OR5A2: variants seen among roughly 807,000 people sequenced by gnomAD.
The protein encoded by OR5A2 is olfactory receptor 5A2.
For synonymous variants in OR5A2, 155 were observed against 151.1 expected (o/e 1.03, Z -0.19); for missense variants, 406 against 398.9 (o/e 1.02, Z -0.15).
At chr11:59,425,133 G>A (rs996821918) in intron 1 of OR5A2, 1 of 152,150 alleles carries the variant, frequency 6.6e-6, no homozygotes, top group Admixed American at 6.5e-5. Flanking sequence ...TTGTGCAGGA[G>A]GACTGGAGTT....
Position 59,418,278 on chromosome 11 carries a change from C to A in OR5A2, c.*3701G>T, listed in dbSNP as rs908588089. 1 of 152,106 alleles carries A rather than the reference C, an allele frequency of 6.6e-6. No individual in the cohort carries two copies. The highest frequency in any genetic ancestry group is 2.4e-5 in the African/African-American group (1 of 41,436). 9.4% of individuals were successfully genotyped at this position (152,106 alleles called of 1,614,324 possible). A position where few individuals can be genotyped will look rare whatever the true frequency, so the allele number is the denominator to read the frequency against. On this transcript the variant is annotated 3_prime_UTR_variant, in exon 2 of 2. Transcript: ENST00000302040. ...TGTAATTTGTCTTTCTATATGGCTT[C>A]CTGACAGATGGATAATTGTGCCACT... is the stretch of plus-strand genomic sequence containing the variant.
At chr11:59,424,470 C>T (rs1239525153) in intron 1 of OR5A2, 1 of 152,096 alleles carries the variant, frequency 6.6e-6, no homozygotes, top group Non-Finnish European at 1.5e-5. Flanking sequence ...GCCTGTAGTT[C>T]CAGCTACTTG....
In OR5A2 at chr11:59,417,496, C is replaced by T. The variant is rs147803709; in HGVS notation, c.*4483G>A. 1 of 152,070 alleles carries T rather than the reference C, an allele frequency of 6.6e-6. No homozygotes were observed. The highest frequency in any genetic ancestry group is 1.9e-4 in the East Asian group (1 of 5,140). 9.4% of individuals were successfully genotyped at this position (152,070 alleles called of 1,614,324 possible). The stretch of plus-strand genomic sequence containing the variant: ...AATATAAACACCTGGCTTATCATCC[C>T]CAGGGGGTTTGAAAATGTTATAGAC... On this transcript the variant is annotated 3_prime_UTR_variant, in exon 2 of 2. Transcript: ENST00000302040.
Position 59,422,726 on chromosome 11 carries a change from G to A in OR5A2, c.228C>T (p.Ser76=), listed in dbSNP as rs753562340. 1.9e-6 allele frequency: 3 copies of A among 1,613,988 alleles called. No homozygotes were observed. The highest frequency in any genetic ancestry group is 2.2e-5 in the South Asian group (2 of 91,084). ...CAGACAGCATCTTAGGGGCGGTGGA[G>A]GACACATAGCAGATGTCCAGGAAGG... ...NLSFLDICYV[S]STAPKMLSDI... Residue 76 remains serine (S), a synonymous_variant, in exon 2 of 2, where the codon TCC becomes TCT. Coordinates refer to ENST00000302040, the MANE Select transcript of OR5A2 (RefSeq NM_001001954.2).
chr11:59,425,805 T>C (rs1489535640), intron 1 of OR5A2: 1 of 152,132 alleles, frequency 6.6e-6, no homozygotes, highest in Admixed American at 6.5e-5. Context: ...AATATTTTGC[T>C]GAATAAATAG....
In OR5A2 at chr11:59,422,079, C is replaced by T; in HGVS notation, c.875G>A (p.Ser292Asn). The T allele has an allele frequency of 6.2e-7, 1 of 1,614,104 alleles. No homozygotes were observed. Among genetic ancestry groups the T allele is most frequent in the East Asian group, 2.2e-5 (1 of 44,880 alleles). Residue 292 changes from serine (S) to asparagine (N), a missense_variant, in exon 2 of 2, where the codon AGT becomes AAT. Transcript: ENST00000302040. Reference sequence around the variant, plus strand: ...ATTTTTAATCTCCTTATTCCTAAAACTGTAGATGATGGGATTCACCACGGG... The same window carrying T: ...ATTTTTAATCTCCTTATTCCTAAAATTGTAGATGATGGGATTCACCACGGG... ...VIPVVNPIIY[S>N]FRNKEIKNAM...
intron 1 of OR5A2, 108 bp from the exon 2 acceptor site, chr11:59,423,152 T>C (rs1858253796): frequency 1.8e-6 from 1 of 554,700 alleles, no homozygotes; most frequent in Non-Finnish European, 3.2e-6. Flanking sequence ...GGATAATCCA[T>C]ATGCTCTATG....
rs761490143 is a variant in OR5A2 at position 59,422,335 on chromosome 11, C to T, written c.619G>A (p.Val207Ile). 2.7e-5 allele frequency: 43 copies of T among 1,613,938 alleles called. No individual in the cohort carries two copies. The highest frequency in any genetic ancestry group is 2.5e-4 in the Admixed American group (15 of 59,988). The change falls in exon 2 of 2, where the codon GTT becomes ATT. Residue 207 changes from valine to isoleucine, a missense_variant. Val to Ile is a conservative substitution (Grantham distance 29). Coordinates refer to ENST00000302040, the MANE Select transcript of OR5A2 (RefSeq NM_001001954.2). ...ACCACTAGCACAGACACTATTCCAA[C>T]GACAACACTGACTATGAAGGTCACC... ...EVVTFIVSVV[V>I]GIVSVLVVLI...
In OR5A2 at chr11:59,422,405, A is replaced by C. The variant is rs183296645; in HGVS notation, c.549T>G (p.Pro183=). The change falls in exon 2 of 2, where the codon CCT becomes CCG. Residue 183 remains proline (P), a synonymous_variant. Coordinates refer to ENST00000302040, the MANE Select transcript of OR5A2 (RefSeq NM_001001954.2). ...YMINHFFCDL[P]PVLALSCSDT... ...CAGAGCAGGACAGAGCCAGGACTGGAGGGAGGTCACAGAAAAAGTGGTTGA... is the reference window on the plus strand; with the variant it reads ...CAGAGCAGGACAGAGCCAGGACTGGCGGGAGGTCACAGAAAAAGTGGTTGA... The C allele has an allele frequency of 1.9e-6, 3 of 1,614,048 alleles. No individual in the cohort carries two copies. The highest frequency in any genetic ancestry group is 2.5e-6 in the Non-Finnish European group (3 of 1,180,014).
At position 59,420,265 on chromosome 11, in the gene OR5A2, A is replaced by G. The variant is rs1361748234; in HGVS notation, c.*1714T>C. The G allele has an allele frequency of 6.6e-6, 1 of 152,154 alleles. No individual in the cohort carries two copies. The highest frequency in any genetic ancestry group is 1.5e-5 in the Non-Finnish European group (1 of 68,028). The allele number at this position is 152,154 out of a possible 1,614,324, so 9.4% of individuals were successfully genotyped here. A position where few individuals can be genotyped will look rare whatever the true frequency, so the allele number is the denominator to read the frequency against. On this transcript the variant is annotated 3_prime_UTR_variant, in exon 2 of 2. Coordinates refer to ENST00000302040, the MANE Select transcript of OR5A2 (RefSeq NM_001001954.2). ...CTACAAAATGGCAGAGATGAAATTA[A>G]TAATCTCAGATCCAATGACTTAAAA...
rs1858240260 is a variant in OR5A2 at position 59,422,503 on chromosome 11, C to CA, written c.450dup (p.Val151CysfsTer6). 6.2e-7 allele frequency: 1 copy of CA among 1,614,162 alleles called. No individual in the cohort carries two copies. The highest frequency in any genetic ancestry group is 1.3e-5 in the African/African-American group (1 of 75,032). ...ATGAAAGAACTAAGGAATCCACCCA[C>CA]ATAGGCGCCAACCACCATCTTTAAA... On this transcript the variant is annotated frameshift_variant, in exon 2 of 2. Coordinates refer to ENST00000302040, the MANE Select transcript of OR5A2 (RefSeq NM_001001954.2). LOFTEE classifies it low-confidence loss of function (END_TRUNC).
In OR5A2 at chr11:59,422,461, A is replaced by G. The variant is rs142203683; in HGVS notation, c.493T>C (p.Tyr165His). ...TAGGGCCCACAGAAATCATGCTGAT[A>G]GACAGAGTATGTTTCAATGAAAGAA... ...LSSFIETYSV[Y>H]QHDFCGPYMI... The change falls in exon 2 of 2, where the codon TAT (tyrosine) becomes CAT (histidine). Residue 165 changes from tyrosine (Y) to histidine (H), a missense_variant. Transcript: ENST00000302040. 6.2e-6 allele frequency: 10 copies of G among 1,614,110 alleles called. No homozygotes were observed. The highest frequency in any genetic ancestry group is 8.5e-6 in the Non-Finnish European group (10 of 1,180,040).
In OR5A2 at chr11:59,422,589, T is replaced by A; in HGVS notation, c.365A>T (p.Asp122Val). 6.2e-7 allele frequency: 1 copy of A among 1,614,154 alleles called. No individual in the cohort carries two copies. Among genetic ancestry groups the A allele is most frequent in the Non-Finnish European group, 8.5e-7 (1 of 1,180,038 alleles). ...GGGGTTGCAGATTGCAGCATACCGG[T>A]CATAGGCCATAGCTGCCAGGAGAAA... ...ECFLLAAMAYDRYAAICNPLL... is the reference protein window; with the variant it reads ...ECFLLAAMAYVRYAAICNPLL... Residue 122 changes from aspartate to valine, a missense_variant, in exon 2 of 2, where the codon GAC becomes GTC. Asp to Val is a radical substitution (Grantham distance 152). Transcript: ENST00000302040.
chr11:59,423,008 G>A lies in OR5A2; in HGVS notation c.-55C>T, dbSNP rs1858251378. Reference sequence around the variant, plus strand: ...TTCTTCTTTAAGAATCCTGTGGTCAGCTAGATTTTGTTTGTTATTGTAAGA... The same window carrying A: ...TTCTTCTTTAAGAATCCTGTGGTCAACTAGATTTTGTTTGTTATTGTAAGA... On this transcript the variant is annotated 5_prime_UTR_variant, in exon 2 of 2. Coordinates refer to ENST00000302040, the MANE Select transcript of OR5A2 (RefSeq NM_001001954.2). The A allele has an allele frequency of 2.0e-6, 3 of 1,525,328 alleles. No individual in the cohort carries two copies. In the Admixed American group the frequency reaches 6.1e-5, roughly 31 times the overall value. The allele number at this position is 1,525,328 out of a possible 1,614,324, so 94.5% of individuals were successfully genotyped here.
chr11:59,422,533 G>T lies in OR5A2; in HGVS notation c.421C>A (p.Leu141Ile). Reference protein sequence around the residue: ...LLYTVLISHTLCLKMVVGAYV... With the variant: ...LLYTVLISHTICLKMVVGAYV... Reference sequence around the variant, plus strand: ...GCGCCAACCACCATCTTTAAACAAAGTGTATGGGATATGAGGACTGTGTAA... The same window carrying T: ...GCGCCAACCACCATCTTTAAACAAATTGTATGGGATATGAGGACTGTGTAA... The change falls in exon 2 of 2, where the codon CTT (leucine) becomes ATT (isoleucine). Residue 141 changes from leucine (L) to isoleucine (I), a missense_variant. Transcript: ENST00000302040. 6.8e-6 allele frequency: 11 copies of T among 1,614,200 alleles called. No individual in the cohort carries two copies. The highest frequency in any genetic ancestry group is 9.3e-6 in the Non-Finnish European group (11 of 1,180,024).
Position 59,422,467 on chromosome 11 carries a change from A to T in OR5A2, c.487T>A (p.Ser163Thr). ...GFLSSFIETY[S>T]VYQHDFCGPY... is the part of the protein sequence containing the mutation. ...CCACAGAAATCATGCTGATAGACAG[A>T]GTATGTTTCAATGAAAGAACTAAGG... The change falls in exon 2 of 2, where the codon TCT becomes ACT. Residue 163 changes from serine to threonine, a missense_variant. Transcript: ENST00000302040. The T allele has an allele frequency of 6.2e-7, 1 of 1,614,192 alleles. No homozygotes were observed. The highest frequency in any genetic ancestry group is 8.5e-7 in the Non-Finnish European group (1 of 1,180,030).
In OR5A2 at chr11:59,418,160, C is replaced by T. The variant is rs1858179405; in HGVS notation, c.*3819G>A. Reference sequence around the variant, plus strand: ...TTGGTAGTGCCCTTGCCCAGGGCCTCAGCCGATCTGGACCCTCTAGCTGGG... The same window carrying T: ...TTGGTAGTGCCCTTGCCCAGGGCCTTAGCCGATCTGGACCCTCTAGCTGGG... On this transcript the variant is annotated 3_prime_UTR_variant, in exon 2 of 2. Coordinates refer to ENST00000302040, the MANE Select transcript of OR5A2 (RefSeq NM_001001954.2). 6.6e-6 allele frequency: 1 copy of T among 152,120 alleles called. No individual in the cohort carries two copies. The highest frequency in any genetic ancestry group is 2.1e-4 in the South Asian group (1 of 4,828). 9.4% of individuals were successfully genotyped at this position (152,120 alleles called of 1,614,324 possible).
chr11:59,421,762 T>G lies in OR5A2; in HGVS notation c.*217A>C, dbSNP rs1458479293. 3 of 478,274 alleles carry G rather than the reference T, an allele frequency of 6.3e-6. No homozygotes were observed. The highest frequency in any genetic ancestry group is 1.1e-5 in the Non-Finnish European group (3 of 272,868). The allele number at this position is 478,274 out of a possible 1,614,324, so 29.6% of individuals were successfully genotyped here. On this transcript the variant is annotated 3_prime_UTR_variant, in exon 2 of 2. Transcript: ENST00000302040. ...TTTTTGTCATGATGAAGTTTTCTGC[T>G]AGGCAGAGCATTTAAAATCTCAAAC...
Position 59,422,537 on chromosome 11 carries a change from A to T in OR5A2, c.417T>A (p.His139Gln). The T allele has an allele frequency of 6.2e-7, 1 of 1,614,218 alleles. No homozygotes were observed. The highest frequency in any genetic ancestry group is 1.1e-5 in the South Asian group (1 of 91,084). Residue 139 changes from histidine to glutamine, a missense_variant, in exon 2 of 2, where the codon CAT becomes CAA. By Grantham distance (24) the His-to-Gln change is conservative. Coordinates refer to ENST00000302040, the MANE Select transcript of OR5A2 (RefSeq NM_001001954.2). ...NPLLYTVLIS[H>Q]TLCLKMVVGA... ...CAACCACCATCTTTAAACAAAGTGT[A>T]TGGGATATGAGGACTGTGTAAAGCA...
Sources: allele counts gnomAD v4.1 joint callset, GRCh38; gene constraint gnomAD v4.1.1; transcripts MANE v1.5; gene names NCBI Gene and HGNC (gene_info 2026-07-23, HGNC 2026-07-21).